OR52I2: variants seen among roughly 807,000 people sequenced by gnomAD.
The protein encoded by OR52I2 is olfactory receptor 52I2.
For missense variants in OR52I2, 350 were observed against 402.4 expected, an observed-to-expected ratio of 0.87 and a Z score of 1.11; for synonymous variants, 147 against 151.9, an observed-to-expected ratio of 0.97 and a Z score of 0.24.
At chr11:4,584,049 GC>G (rs1846280670) in intron 1 of OR52I2, among the ~76,000 whole-genome samples, 1 of 152,194 alleles carries the variant, frequency 6.6e-6, no homozygotes, top group Non-Finnish European at 1.5e-5. Flanking sequence ...TAGAAGTGAT[GC>G]CCCGATGAGA....
At position 4,581,747 on chromosome 11, in the gene OR52I2, T is replaced by TG. The variant is rs995017190; in HGVS notation, c.-137_-136insG. The TG allele has an allele frequency of 1.1e-4, 15 of 130,604 alleles. No individual in the cohort carries two copies. The highest frequency in any genetic ancestry group is 2.7e-4 in the Non-Finnish European group (15 of 56,530). The allele number at this position is 130,604 out of a possible 1,614,324, so 8.1% of individuals were successfully genotyped here. On this transcript the variant is annotated 5_prime_UTR_variant, in exon 1 of 2. In the 5' UTR this introduces an upstream ATG that the reference lacks. Coordinates refer to ENST00000641896, the Ensembl canonical transcript of OR52I2. ...TCCATTGTTCATTGATTTTGTGTCA[T>TG]TTTTTCCTGCTCCTCTTGAAGAGTC...
intron 1 of OR52I2, among the ~76,000 whole-genome samples, chr11:4,584,430 T>G (rs939431577): frequency 6.6e-6 from 1 of 152,220 alleles, no homozygotes; most frequent in Non-Finnish European, 1.5e-5. Flanking sequence ...TCCATTTCTC[T>G]GGAAGCAAAA....
At chr11:4,587,917 C>A in exon 2 of OR52I2, 1 of 1,450,002 alleles carries the variant, frequency 6.9e-7, no homozygotes, top group Non-Finnish European at 9.6e-7. Context: ...TAGAGATCTG[C>A]AGAGCTTAGT....
chr11:4,583,525 G>A (rs1179523870), intron 1 of OR52I2, among the ~76,000 whole-genome samples: 2 of 152,162 alleles, frequency 1.3e-5, no homozygotes, highest in African/African-American at 2.4e-5. Flanking sequence ...AACACATGCG[G>A]CAGTTTCAAG....
At chr11:4,583,397 G>A (rs1424988494) in intron 1 of OR52I2, among the ~76,000 whole-genome samples, 1 of 152,160 alleles carries the variant, frequency 6.6e-6, no homozygotes, top group African/African-American at 2.4e-5. Flanking sequence ...ATTTACACAG[G>A]GCAGCCAGGG....
intron 1 of OR52I2, among the ~76,000 whole-genome samples, chr11:4,585,179 C>T (rs1165782950): frequency 6.6e-6 from 1 of 152,154 alleles, no homozygotes; most frequent in African/African-American, 2.4e-5. Flanking sequence ...AGAACCAATA[C>T]TTTTCGACTC....
At chr11:4,589,548 G>A (rs1368317705) in exon 2 of OR52I2, 3 of 152,192 alleles carry the variant, frequency 2.0e-5, no homozygotes, top group African/African-American at 7.2e-5. Flanking sequence ...GGCTGTCTAG[G>A]TGTGGTGGGT....
At chr11:4,584,231 G>A (rs1420055431) in intron 1 of OR52I2, among the ~76,000 whole-genome samples, 1 of 152,214 alleles carries the variant, frequency 6.6e-6, no homozygotes, top group Admixed American at 6.5e-5. Context: ...ACCTAAGACA[G>A]TTCTTGGGCT....
At chr11:4,589,037 AGT>A (rs1846331117) in exon 2 of OR52I2, 1 of 152,060 alleles carries the variant, frequency 6.6e-6, no homozygotes, top group South Asian at 2.1e-4. Context: ...TTATACTCTT[AGT>A]CTAACTTTTA....
At chr11:4,588,341 A>T (rs1011753148) in exon 2 of OR52I2, 1 of 161,192 alleles carries the variant, frequency 6.2e-6, no homozygotes, top group African/African-American at 2.4e-5. Context: ...ATTAAAAAGA[A>T]AAACACTAGA....
chr11:4,587,131 G>T, exon 2 of OR52I2: 1 of 1,614,182 alleles, frequency 6.2e-7, no homozygotes, highest in Non-Finnish European at 8.5e-7. Context: ...GGCCTCCTCG[G>T]TGGTACCCAA....
chr11:4,582,417 ATATT>A (rs1182397879), intron 1 of OR52I2, among the ~76,000 whole-genome samples: 5 of 127,302 alleles, frequency 3.9e-5, no homozygotes, highest in East Asian at 4.5e-4. Context: ...TTTTATTTTT[ATATT>A]TATTTATTTT....
chr11:4,592,247 AAG>A, exon 2 of OR52I2: 1 of 152,328 alleles, frequency 6.6e-6, no homozygotes, highest in South Asian at 2.1e-4. Flanking sequence ...TATCTCTGTG[AAG>A]TATTATTAAC....
At chr11:4,583,660 A>G (rs1846277549) in intron 1 of OR52I2, among the ~76,000 whole-genome samples, 1 of 152,214 alleles carries the variant, frequency 6.6e-6, no homozygotes, top group Admixed American at 6.5e-5. Context: ...GAGCTCCTAT[A>G]AACTGACTGT....
chr11:4,593,170 G>A (rs1846365555), exon 2 of OR52I2: 1 of 152,394 alleles, frequency 6.6e-6, no homozygotes, highest in South Asian at 2.1e-4. Context: ...AAGCTTTCTT[G>A]TTTGGAACAT....
intron 1 of OR52I2, 140 bp from the exon 2 acceptor site, chr11:4,586,732 G>C: frequency 1.7e-6 from 2 of 1,147,212 alleles, no homozygotes; most frequent in Non-Finnish European, 1.3e-6. Context: ...AAGTGGTACA[G>C]GATAATTTTG....
At chr11:4,585,310 G>T (rs1489112833) in intron 1 of OR52I2, among the ~76,000 whole-genome samples, 1 of 152,122 alleles carries the variant, frequency 6.6e-6, no homozygotes, top group Non-Finnish European at 1.5e-5. Flanking sequence ...CCATGAAGAA[G>T]ATCAGCCAAT....
chr11:4,585,474 A>G (rs1423617561), intron 1 of OR52I2, among the ~76,000 whole-genome samples: 1 of 152,222 alleles, frequency 6.6e-6, no homozygotes, highest in Non-Finnish European at 1.5e-5. Context: ...GCTACCACGC[A>G]GGACTGTAAT....
rs1463394202 is a variant in OR52I2 at position 4,590,706 on chromosome 11, C to G, written c.*2841C>G. On this transcript the variant is annotated 3_prime_UTR_variant, in exon 2 of 2. Coordinates refer to ENST00000641896, the Ensembl canonical transcript of OR52I2. ...ATGCAGCCCTTTATGCAATAATGCACAAGTCTGAGTTTGTTGCATCCAGAA... is the reference window on the plus strand; with the variant it reads ...ATGCAGCCCTTTATGCAATAATGCAGAAGTCTGAGTTTGTTGCATCCAGAA... 5.9e-5 allele frequency: 9 copies of G among 152,274 alleles called. 1 individual carries two copies. Among genetic ancestry groups the G allele is most frequent in the African/African-American group, 2.2e-4 (9 of 41,546 alleles). 9.4% of individuals were successfully genotyped at this position (152,274 alleles called of 1,614,324 possible).
Sources: gnomAD v4.1 joint callset for allele counts (sites outside exome capture counted in the v4.1 genomes callset) on GRCh38, gnomAD v4.1.1 for gene constraint, MANE v1.5 for transcripts, NCBI Gene and HGNC (gene_info 2026-07-23, HGNC 2026-07-21) for gene names.